The following CSE1L variants were observed in gnomAD, a reference collection of about 807,000 sequenced individuals.
The protein encoded by CSE1L is exportin-2.
A neutral mutation model predicts 120.4 loss-of-function variants in CSE1L; 24 were observed. That is an observed-to-expected ratio of 0.20 (90% CI 0.14 to 0.28). The LOEUF is 0.28. Among genes scored for constraint, CSE1L ranks in the 10% least tolerant of loss-of-function variants. The pLI, the probability that CSE1L is intolerant of heterozygous loss-of-function variation, is 1.00. For synonymous variants in CSE1L, 402 were observed against 398.3 expected (o/e 1.01, Z -0.11); for missense variants, 830 against 1,145.2 (o/e 0.72, Z 3.97).
intron 22 of CSE1L, among the ~76,000 whole-genome samples, chr20:49,092,651 G>A (rs537647614): frequency 6.0e-4 from 91 of 151,862 alleles, no homozygotes; most frequent in Non-Finnish European, 2.8e-4. Flanking sequence ...GGGGCCTGTC[G>A]TGGGATGGGG....
intron 16 of CSE1L, among the ~76,000 whole-genome samples, chr20:49,087,699 C>G (rs1269751354): frequency 6.6e-6 from 1 of 152,158 alleles, no homozygotes; most frequent in African/African-American, 2.4e-5. Context: ...ACAGTTCTCT[C>G]TCAGACTCAC....
chr20:49,049,360 T>A (rs1024618319), intron 1 of CSE1L, among the ~76,000 whole-genome samples: 1 of 152,026 alleles, frequency 6.6e-6, no homozygotes. Context: ...ATTTTTATTT[T>A]TTTTTTGTAG....
chr20:49,077,150 G>GTTAT, intron 13 of CSE1L, 86 bp downstream of exon 13: 4 of 407,828 alleles, frequency 9.8e-6, no homozygotes, highest in Non-Finnish European at 1.1e-5. Context: ...GTTCCCTTTT[G>GTTAT]TTCTTTTTTT....
intron 22 of CSE1L, 123 bp from the exon 23 acceptor site, chr20:49,094,016 CA>C: frequency 1.6e-6 from 1 of 643,808 alleles, no homozygotes; most frequent in Non-Finnish European, 2.6e-6. Context: ...TTCAGATGAT[CA>C]AAAACAGCAG....
At position 49,094,948 on chromosome 20, in the gene CSE1L, C is replaced by T. The variant is rs753453001; in HGVS notation, c.2811C>T (p.Thr937=). Residue 937 remains threonine (T), a synonymous_variant, in exon 24 of 25, where the codon ACC becomes ACT. Coordinates refer to ENST00000262982, the MANE Select transcript of CSE1L (RefSeq NM_001316.4). Reference sequence around the variant, plus strand: ...CACAGTCACTTCACAAGTTGTCTACCGCCTGTCCAGGAAGGGTAAGTGTGT... The same window carrying T: ...CACAGTCACTTCACAAGTTGTCTACTGCCTGTCCAGGAAGGGTAAGTGTGT... ...HLAQSLHKLS[T]ACPGRVPSMV... is the part of the protein sequence containing the mutation. The T allele has an allele frequency of 2.0e-5, 32 of 1,613,838 alleles. No individual in the cohort carries two copies. The highest frequency in any genetic ancestry group is 1.6e-4 in the Middle Eastern group (1 of 6,062).
At chr20:49,078,081 A>T (rs182428336) in intron 13 of CSE1L, among the ~76,000 whole-genome samples, 56 of 152,352 alleles carry the variant, frequency 3.7e-4, no homozygotes, top group Non-Finnish European at 7.1e-4. Flanking sequence ...TTTTAAAAAA[A>T]ATATTTTAAT....
chr20:49,057,460 T>G (rs1297684818), intron 1 of CSE1L, among the ~76,000 whole-genome samples: 1 of 150,476 alleles, frequency 6.6e-6, no homozygotes, highest in Non-Finnish European at 1.5e-5. Context: ...GGGCCTTTTT[T>G]TTTTTTTTTT....
intron 12 of CSE1L, 32 bp from the exon 13 acceptor site, chr20:49,076,948 T>C (rs750528026): frequency 2.9e-5 from 41 of 1,434,262 alleles, no homozygotes; most frequent in Non-Finnish European, 3.8e-5. Context: ...AGGTATTTTG[T>C]TATTTTACTA....
Position 49,089,287 on chromosome 20 carries a change from C to T in CSE1L, c.1862C>T (p.Ala621Val), listed in dbSNP as rs966589957. 2 of 1,607,200 alleles carry T rather than the reference C, an allele frequency of 1.2e-6. No homozygotes were observed. The highest frequency in any genetic ancestry group is 1.3e-5 in the African/African-American group (1 of 74,380). The change falls in exon 18 of 25, where the codon GCA becomes GTA. Residue 621 changes from alanine to valine, a missense_variant. Coordinates refer to ENST00000262982, the MANE Select transcript of CSE1L (RefSeq NM_001316.4). ...CACTTTAATCACTACATGTTTGAAGCAATATGTTTATCCATAAGAATAACT... is the reference window on the plus strand; with the variant it reads ...CACTTTAATCACTACATGTTTGAAGTAATATGTTTATCCATAAGAATAACT... ...KPHFNHYMFEAICLSIRITCK... is the reference protein window; with the variant it reads ...KPHFNHYMFEVICLSIRITCK...
chr20:49,091,129 C>A, intron 21 of CSE1L, 107 bp downstream of exon 21: 1 of 849,064 alleles, frequency 1.2e-6, no homozygotes, highest in Non-Finnish European at 1.9e-6. Context: ...AAACTTTATG[C>A]AAAAAATACT....
intron 16 of CSE1L, among the ~76,000 whole-genome samples, chr20:49,086,611 C>T (rs973565145): frequency 2.0e-5 from 3 of 151,930 alleles, no homozygotes; most frequent in Non-Finnish European, 4.4e-5. Context: ...GTGATCCACC[C>T]GCCTCAGCCT....
rs2092095477 is a variant in CSE1L, at chr20:49,090,829, C to A, written c.2269C>A (p.His757Asn). 1 of 1,613,080 alleles carries A rather than the reference C, an allele frequency of 6.2e-7. No individual in the cohort carries two copies. Among genetic ancestry groups the A allele is most frequent in the African/African-American group, 1.3e-5 (1 of 74,998 alleles). ...GFYLLNSIIE[H>N]MPPESVDQYR... is the part of the protein sequence containing the mutation. ...TTATCTTCTAAACAGTATAATAGAGCACATGCCTCCGTGAGTATGACTAGA... is the reference window on the plus strand; with the variant it reads ...TTATCTTCTAAACAGTATAATAGAGAACATGCCTCCGTGAGTATGACTAGA... The change falls in exon 20 of 25, where the codon CAC becomes AAC. Residue 757 changes from histidine (H) to asparagine (N), a missense_variant. Physicochemically the swap from His to Asn is moderately conservative, Grantham distance 68 (BLOSUM62 1). Coordinates refer to ENST00000262982, the MANE Select transcript of CSE1L (RefSeq NM_001316.4).
In CSE1L at chr20:49,058,436, C is replaced by T. The variant is rs188215367; in HGVS notation, c.-11-17C>T. Reference sequence around the variant, plus strand: ...TCCGTAAGTGACCAGTTATCCAAACCTTATTTTATATTTTAGATCCTATAG... The same window carrying T: ...TCCGTAAGTGACCAGTTATCCAAACTTTATTTTATATTTTAGATCCTATAG... On this transcript the variant is annotated splice_polypyrimidine_tract_variant and intron_variant, in intron 1 of 24. Coordinates refer to ENST00000262982, the MANE Select transcript of CSE1L (RefSeq NM_001316.4). 88 of 1,551,898 alleles carry T rather than the reference C, an allele frequency of 5.7e-5. No individual in the cohort carries two copies. The African/African-American group carries it at 1.1e-3, about 20-fold the overall frequency.
chr20:49,055,474 T>G (rs2091799180), intron 1 of CSE1L, among the ~76,000 whole-genome samples: 1 of 152,156 alleles, frequency 6.6e-6, no homozygotes, highest in Non-Finnish European at 1.5e-5. Context: ...CCCAGTGTTT[T>G]GGGATGCCGA....
rs763406118 is a variant in CSE1L, at chr20:49,092,108, T to C, written c.2428T>C (p.Phe810Leu). The C allele has an allele frequency of 1.9e-6, 3 of 1,569,772 alleles. No individual in the cohort carries two copies. Among genetic ancestry groups the C allele is most frequent in the Non-Finnish European group, 2.6e-6 (3 of 1,148,560 alleles). The change falls in exon 22 of 25, where the codon TTT becomes CTT. Residue 810 changes from phenylalanine to leucine, a missense_variant. Transcript: ENST00000262982. ...TGGGGCACTAGCACTACAAGAAATA[T>C]TTGATGGTATACAACCAAAGTAAGT... Reference protein sequence around the residue: ...KYGALALQEIFDGIQPKMFGM... With the variant: ...KYGALALQEILDGIQPKMFGM...
chr20:49,064,029 G>A (rs1838339060), intron 3 of CSE1L, among the ~76,000 whole-genome samples: 1 of 152,130 alleles, frequency 6.6e-6, no homozygotes, highest in Admixed American at 6.6e-5. Flanking sequence ...GGGCAGTTTG[G>A]CTCACCAGGG....
chr20:49,068,849 G>C, intron 7 of CSE1L, 27 bp downstream of exon 7: 1 of 1,425,706 alleles, frequency 7.0e-7, no homozygotes, highest in Non-Finnish European at 9.9e-7. Flanking sequence ...TCTTGCTTTT[G>C]GTTCTTACTC....
chr20:49,086,074 C>T (rs1264485692), intron 16 of CSE1L, among the ~76,000 whole-genome samples: 1 of 152,186 alleles, frequency 6.6e-6, no homozygotes, highest in African/African-American at 2.4e-5. Flanking sequence ...AGGACACAGG[C>T]AGCTGTATCC....
At chr20:49,094,698 T>G in intron 23 of CSE1L, 34 bp from the exon 24 acceptor site, 1 of 1,468,452 alleles carries the variant, frequency 6.8e-7, no homozygotes, top group Non-Finnish European at 9.5e-7. Context: ...AGTATTTTCT[T>G]GACCTTTTTA....
Sources: gnomAD v4.1 joint callset for allele counts (sites outside exome capture counted in the v4.1 genomes callset) on GRCh38, gnomAD v4.1.1 for gene constraint, MANE v1.5 for transcripts, NCBI Gene and HGNC (gene_info 2026-07-23, HGNC 2026-07-21) for gene names.